FNDC1: variants seen among roughly 807,000 people sequenced by gnomAD.
The protein encoded by FNDC1 is fibronectin type III domain-containing protein 1.
In FNDC1, 96 loss-of-function variants were observed where a neutral mutation model predicts 168.0. The observed-to-expected ratio is 0.57, with a 90% CI of 0.48 to 0.68. The LOEUF (loss-of-function observed/expected upper bound fraction) is 0.68. FNDC1 is among the 30% of genes least tolerant of loss of function. FNDC1 has a pLI of 0.00. For missense variants in FNDC1, 2,587 were observed against 2,482.1 expected, an observed-to-expected ratio of 1.04 and a Z score of -0.90; for synonymous variants, 1,099 against 1,025.9, an observed-to-expected ratio of 1.07 and a Z score of -1.36.
At chr6:159,257,532 G>A (rs577030223) in intron 18 of FNDC1, among the ~76,000 whole-genome samples, 6 of 152,296 alleles carry the variant, frequency 3.9e-5, no homozygotes, top group African/African-American at 1.4e-4. Flanking sequence ...GAAGTGAGGT[G>A]AGGGTGCACC....
chr6:159,195,278 G>C (rs1782220764), intron 1 of FNDC1, among the ~76,000 whole-genome samples: 1 of 152,216 alleles, frequency 6.6e-6, no homozygotes, highest in Non-Finnish European at 1.5e-5. Context: ...ATTCCTGAGA[G>C]AGAACATCAC....
chr6:159,215,882 C>T (rs995684035), intron 5 of FNDC1, among the ~76,000 whole-genome samples: 9 of 152,270 alleles, frequency 5.9e-5, no homozygotes, highest in African/African-American at 1.7e-4. Context: ...ATTGAGGGTG[C>T]GTCTGCCTTT....
chr6:159,201,676 A>G (rs997949792), intron 4 of FNDC1, among the ~76,000 whole-genome samples: 1 of 152,238 alleles, frequency 6.6e-6, no homozygotes, highest in East Asian at 1.9e-4. Flanking sequence ...TAAAATGGTC[A>G]ACAAGTTAGT....
chr6:159,235,552 G>A (rs1018201382), intron 11 of FNDC1, among the ~76,000 whole-genome samples: 3 of 152,106 alleles, frequency 2.0e-5, no homozygotes, highest in Non-Finnish European at 4.4e-5. Flanking sequence ...TGCGAGTAGC[G>A]GTCAGAAAGC....
chr6:159,200,129 G>A (rs1344687941), intron 3 of FNDC1, 47 bp downstream of exon 3: 1 of 1,328,278 alleles, frequency 7.5e-7, no homozygotes, highest in African/African-American at 1.5e-5. Context: ...TACTTAGATT[G>A]GGAGAGACAT....
At chr6:159,210,800 C>T (rs1057514984) in intron 4 of FNDC1, among the ~76,000 whole-genome samples, 2 of 152,146 alleles carry the variant, frequency 1.3e-5, no homozygotes, top group African/African-American at 2.4e-5. Flanking sequence ...TGATGTCCTG[C>T]CCCCATCTGG....
chr6:159,187,681 G>C (rs946875822), intron 1 of FNDC1, among the ~76,000 whole-genome samples: 2 of 151,884 alleles, frequency 1.3e-5, no homozygotes, highest in Non-Finnish European at 2.9e-5. Context: ...GGACTTCCAG[G>C]GTTTTCTTTT....
chr6:159,233,803 C>A lies in FNDC1; in HGVS notation c.3291C>A (p.Ala1097=). ...EAQDVRAPAH[A]ARAKEAAASL... is the part of the protein sequence containing the mutation. ...AGGATGTGCGGGCCCCCGCGCACGC[C>A]GCGCGCGCCAAGGAGGCAGCTGCGT... Residue 1097 remains alanine (A), a synonymous_variant, in exon 11 of 23, where the codon GCC becomes GCA. Transcript: ENST00000297267. The surrounding 1 kb of genome is among the most constrained non-coding windows in gnomAD (Gnocchi z 4.6). 1 of 1,537,060 alleles carries A rather than the reference C, an allele frequency of 6.5e-7. No homozygotes were observed. Among genetic ancestry groups the A allele is most frequent in the South Asian group, 1.2e-5 (1 of 82,274 alleles).
chr6:159,262,102 G>A (rs1319463502), intron 19 of FNDC1, among the ~76,000 whole-genome samples: 1 of 152,154 alleles, frequency 6.6e-6, no homozygotes, highest in African/African-American at 2.4e-5. Flanking sequence ...GTGAGACCTT[G>A]TCTCTGAAAA....
chr6:159,266,260 A>T lies in FNDC1; in HGVS notation c.5446+15A>T, dbSNP rs764595593. ...CAACCTGAAAGGTAAGTCTTTGTGC[A>T]TGGTTGGCTATGGGAGGTATGGAAC... On this transcript the variant is annotated intron_variant, in intron 21 of 22. Coordinates refer to ENST00000297267, the MANE Select transcript of FNDC1 (RefSeq NM_032532.3). 1 of 1,613,512 alleles carries T rather than the reference A, an allele frequency of 6.2e-7. No individual in the cohort carries two copies. The highest frequency in any genetic ancestry group is 8.5e-7 in the Non-Finnish European group (1 of 1,179,476).
At chr6:159,239,335 G>C (rs1389485728) in intron 13 of FNDC1, among the ~76,000 whole-genome samples, 182 bp from the exon 14 acceptor site, 1 of 152,148 alleles carries the variant, frequency 6.6e-6, no homozygotes, top group African/African-American at 2.4e-5. Flanking sequence ...TTCTTCCTTT[G>C]CTAGACACAA....
rs1562316105 is a variant in FNDC1, at chr6:159,269,503, C to CTATCTATCT, written c.5569+1577_5569+1578insTATCTATCT. 6.5e-5 allele frequency among the ~76,000 whole-genome samples: 7 copies of CTATCTATCT among 108,388 alleles called. 1 individual carries two copies. Among genetic ancestry groups the CTATCTATCT allele is most frequent in the Non-Finnish European group, 2.0e-5 (1 of 49,078 alleles). 71.1% of individuals were successfully genotyped at this position (108,388 alleles called of 152,430 possible). ...CTATCTATCTATCTATCTATCTATC[C>CTATCTATCT]ATCCATCCATGCATCCATCCATCCA... On this transcript the variant is annotated intron_variant, in intron 22 of 22. Transcript: ENST00000297267.
At chr6:159,223,051 A>ACG (rs1782866881) in intron 6 of FNDC1, among the ~76,000 whole-genome samples, 1 of 140,978 alleles carries the variant, frequency 7.1e-6, no homozygotes, top group African/African-American at 2.5e-5. Flanking sequence ...GCTGGAGTGC[A>ACG]GTGGCATGAT....
At chr6:159,242,092 A>G (rs1430418801) in intron 14 of FNDC1, among the ~76,000 whole-genome samples, 2 of 152,246 alleles carry the variant, frequency 1.3e-5, no homozygotes, top group African/African-American at 2.4e-5. Context: ...CCAAATGCCC[A>G]TCAACGATAG....
At chr6:159,259,943 G>A (rs1482756268) in intron 18 of FNDC1, among the ~76,000 whole-genome samples, 1 of 152,224 alleles carries the variant, frequency 6.6e-6, no homozygotes, top group Non-Finnish European at 1.5e-5. Flanking sequence ...TGATCCAGCA[G>A]CTCAGAAGGC....
At chr6:159,218,021 G>T (rs980374197) in intron 5 of FNDC1, among the ~76,000 whole-genome samples, 4 of 152,084 alleles carry the variant, frequency 2.6e-5, no homozygotes, top group Non-Finnish European at 5.9e-5. Flanking sequence ...AATTCTGCCC[G>T]GCATATCAGC....
intron 17 of FNDC1, among the ~76,000 whole-genome samples, chr6:159,252,294 G>A (rs1777284338): frequency 1.3e-5 from 2 of 152,176 alleles, no homozygotes; most frequent in African/African-American, 4.8e-5. Flanking sequence ...CTGACTGGGA[G>A]GTAGCGGTCG....
chr6:159,254,957 C>A (rs937051037), intron 17 of FNDC1, among the ~76,000 whole-genome samples: 1 of 152,170 alleles, frequency 6.6e-6, no homozygotes, highest in Non-Finnish European at 1.5e-5. Context: ...CCATTAGATG[C>A]TGTGCTCATC....
chr6:159,193,260 C>T (rs1782175564), intron 1 of FNDC1, among the ~76,000 whole-genome samples: 1 of 152,186 alleles, frequency 6.6e-6, no homozygotes, highest in Non-Finnish European at 1.5e-5. Context: ...AATGTGGAGC[C>T]TGGACACCTT....
Sources: gnomAD v4.1 joint callset for allele counts (sites outside exome capture counted in the v4.1 genomes callset) on GRCh38, gnomAD v4.1.1 for gene constraint, Gnocchi (gnomAD v3.1) non-coding constraint, MANE v1.5 for transcripts, NCBI Gene and HGNC (gene_info 2026-07-23, HGNC 2026-07-21) for gene names.